The following CHCHD3 variants were observed in gnomAD, a reference collection of about 807,000 sequenced individuals.
CHCHD3 encodes the protein MICOS complex subunit MIC19.
In CHCHD3, 20 loss-of-function variants were observed where a neutral mutation model predicts 38.2. The ratio of observed to expected loss-of-function variants is 0.52; its 90% CI spans 0.37 to 0.76. The LOEUF is 0.76. Among genes scored for constraint, CHCHD3 ranks in the 30% least tolerant of loss-of-function variants. The probability of loss-of-function intolerance (pLI) is 0.00; values close to 1 mark genes in which losing one functional copy is unlikely to be tolerated. For synonymous variants in CHCHD3, 82 were observed against 100.0 expected, an observed-to-expected ratio of 0.82 and a Z score of 1.07; for missense variants, 245 against 279.2, an observed-to-expected ratio of 0.88 and a Z score of 0.87.
rs143428251 is a variant in CHCHD3 at position 132,893,884 on chromosome 7, A to T, written c.370-8139T>A. Among the ~76,000 whole-genome samples the T allele has an allele frequency of 6.6e-3, 1,003 of 152,298 alleles. 11 individuals carry two copies. Among genetic ancestry groups the T allele is most frequent in the African/African-American group, 0.022 (931 of 41,552 alleles). ...CTCCTCAGCCATGTGAAATTGTGAGACAATTAAACCTCTTTCCTTTATAAA... is the reference window on the plus strand; with the variant it reads ...CTCCTCAGCCATGTGAAATTGTGAGTCAATTAAACCTCTTTCCTTTATAAA... On this transcript the variant is annotated intron_variant, in intron 4 of 7. Transcript: ENST00000262570.
intron 5 of CHCHD3, among the ~76,000 whole-genome samples, chr7:132,870,367 A>G (rs1808738193): frequency 6.6e-6 from 1 of 151,784 alleles, no homozygotes; most frequent in Non-Finnish European, 1.5e-5. Context: ...AAAAAAAAAA[A>G]AAAGATAAAT....
At chr7:133,071,860 T>C (rs1157074071) in intron 1 of CHCHD3, among the ~76,000 whole-genome samples, 1 of 152,198 alleles carries the variant, frequency 6.6e-6, no homozygotes, top group Admixed American at 6.5e-5. Flanking sequence ...GGGCCACATA[T>C]TGAATGATTC....
intron 3 of CHCHD3, among the ~76,000 whole-genome samples, chr7:133,004,706 A>G (rs1812655416): frequency 6.6e-6 from 1 of 152,230 alleles, no homozygotes; most frequent in Non-Finnish European, 1.5e-5. Context: ...GGGAAACTGC[A>G]GTAGGCAAGG....
At chr7:132,989,600 CCTT>C (rs1200466695) in intron 3 of CHCHD3, among the ~76,000 whole-genome samples, 23 of 152,078 alleles carry the variant, frequency 1.5e-4, no homozygotes, top group Admixed American at 1.5e-3. Flanking sequence ...TGCTCTTGGA[CCTT>C]CTTCTTAAAT....
chr7:132,797,582 C>T (rs183269188), intron 6 of CHCHD3, among the ~76,000 whole-genome samples: 23 of 152,248 alleles, frequency 1.5e-4, no homozygotes, highest in Admixed American at 1.4e-3. Context: ...GACATCGGAA[C>T]CCTACAGAAG....
chr7:132,796,452 T>C lies in CHCHD3; in HGVS notation c.650A>G (p.His217Arg), dbSNP rs1806615224. The C allele has an allele frequency of 6.2e-7, 1 of 1,613,650 alleles. No homozygotes were observed. The highest frequency in any genetic ancestry group is 1.1e-5 in the South Asian group (1 of 91,054). ...GGCTGGCACACCTACCTGTTTGGCA[T>C]GATTGACACAGTGCATATACTGGGT... ...LATQYMHCVN[H>R]AKQSMLEKGG is the part of the protein sequence containing the mutation. Residue 217 changes from histidine (H) to arginine (R), a missense_variant, in exon 7 of 8, where the codon CAT (histidine) becomes CGT (arginine). Transcript: ENST00000262570.
chr7:132,913,693 T>G (rs561592423), intron 4 of CHCHD3, among the ~76,000 whole-genome samples: 197 of 152,242 alleles, frequency 1.3e-3, no homozygotes, highest in African/African-American at 4.7e-3. Context: ...GGAGAATGAA[T>G]GATAGCGGAA....
rs200190287 is a variant in CHCHD3, at chr7:132,798,049, CA to C, written c.525-1473del. Among the ~76,000 whole-genome samples, 1,189 of 152,082 alleles carry C rather than the reference CA, an allele frequency of 7.8e-3. 19 individuals carry two copies. Among genetic ancestry groups the C allele is most frequent in the African/African-American group, 0.027 (1,100 of 41,474 alleles). ...GTTCAAACAAAACCCCTAGAGAACACAGGGGGAATATTTCTCATCAATAAGG... is the reference window on the plus strand; with the variant it reads ...GTTCAAACAAAACCCCTAGAGAACACGGGGGAATATTTCTCATCAATAAGG... On this transcript the variant is annotated intron_variant, in intron 6 of 7. Transcript: ENST00000262570.
intron 5 of CHCHD3, among the ~76,000 whole-genome samples, chr7:132,842,812 G>T (rs1807974148): frequency 6.6e-6 from 1 of 152,016 alleles, no homozygotes; most frequent in Admixed American, 6.6e-5. Context: ...TCTTTTTATT[G>T]AGGTTGACCT....
intron 3 of CHCHD3, among the ~76,000 whole-genome samples, chr7:132,996,261 G>A (rs1213499011): frequency 3.9e-5 from 6 of 152,042 alleles, no homozygotes; most frequent in Non-Finnish European, 8.8e-5. Flanking sequence ...GCACTGTTAC[G>A]TGCTCTGCAA....
intron 7 of CHCHD3, among the ~76,000 whole-genome samples, chr7:132,795,010 T>C (rs1399780024): frequency 3.3e-5 from 5 of 152,258 alleles, no homozygotes; most frequent in African/African-American, 1.2e-4. Flanking sequence ...CACAAGACTA[T>C]ATGTAGATAA....
At chr7:132,967,342 G>A (rs754005289) in intron 4 of CHCHD3, among the ~76,000 whole-genome samples, 4 of 152,130 alleles carry the variant, frequency 2.6e-5, no homozygotes, top group Admixed American at 6.6e-5. Context: ...GTTCCTTGGA[G>A]AATGGCAACA....
chr7:132,834,720 C>T (rs1807733227), intron 6 of CHCHD3, among the ~76,000 whole-genome samples: 1 of 152,026 alleles, frequency 6.6e-6, no homozygotes, highest in Non-Finnish European at 1.5e-5. Context: ...GCAAAGCTTC[C>T]AATGTCCTTA....
intron 3 of CHCHD3, chr7:133,022,446 T>G (rs1335081114): frequency 2.2e-6 from 1 of 456,728 alleles, no homozygotes. Flanking sequence ...AAGTTGCTGC[T>G]AAAAGACTGC....
At chr7:133,054,303 G>A (rs530553005) in intron 2 of CHCHD3, among the ~76,000 whole-genome samples, 7 of 152,254 alleles carry the variant, frequency 4.6e-5, no homozygotes, top group African/African-American at 1.7e-4. Context: ...ATAACTTAGT[G>A]CAGTATTTCT....
chr7:132,881,666 AG>A (rs1188763236), intron 5 of CHCHD3, among the ~76,000 whole-genome samples: 2 of 152,222 alleles, frequency 1.3e-5, no homozygotes, highest in East Asian at 3.8e-4. Flanking sequence ...TTTAAACCAC[AG>A]GCAACCTGGA....
intron 5 of CHCHD3, among the ~76,000 whole-genome samples, chr7:132,842,413 A>G (rs758622329): frequency 1.3e-5 from 2 of 152,226 alleles, no homozygotes; most frequent in African/African-American, 4.8e-5. Flanking sequence ...TTATGTCCAC[A>G]TCTTAGATAA....
chr7:132,952,088 T>C (rs1562918911), intron 4 of CHCHD3, among the ~76,000 whole-genome samples: 1 of 152,220 alleles, frequency 6.6e-6, no homozygotes, highest in Non-Finnish European at 1.5e-5. Flanking sequence ...TGAAAGTGCA[T>C]ATGGGCACAG....
chr7:132,916,424 A>G (rs978081286), intron 4 of CHCHD3, among the ~76,000 whole-genome samples: 1 of 152,228 alleles, frequency 6.6e-6, no homozygotes, highest in Non-Finnish European at 1.5e-5. Flanking sequence ...AGAAAATTAC[A>G]GTAGTTCCCC....
Sources: allele counts gnomAD v4.1 joint callset (sites outside exome capture counted in the v4.1 genomes callset), GRCh38; gene constraint gnomAD v4.1.1; transcripts MANE v1.5; gene names NCBI Gene and HGNC (gene_info 2026-07-23, HGNC 2026-07-21).